UTRN: variants seen among roughly 807,000 people sequenced by gnomAD.
The protein encoded by UTRN is utrophin.
UTRN carries 283 observed loss-of-function variants against 463.9 expected under a neutral mutation model. The ratio of observed to expected loss-of-function variants is 0.61; its 90% CI spans 0.55 to 0.67. UTRN has a LOEUF of 0.67. Ranked by LOEUF, UTRN falls within the 30% of genes least tolerant of loss-of-function variation. The pLI, the probability that UTRN is intolerant of heterozygous loss-of-function variation, is 0.00. For missense variants in UTRN, 3,922 were observed against 4,084.3 expected (o/e 0.96, Z 1.08); for synonymous variants, 1,442 against 1,431.5 (o/e 1.01, Z -0.17).
chr6:144,322,657 G>C (rs918431673), intron 2 of UTRN, among the ~76,000 whole-genome samples: 4 of 152,158 alleles, frequency 2.6e-5, no homozygotes, highest in Non-Finnish European at 4.4e-5. Flanking sequence ...AGTGGATTTC[G>C]GCCGGGCGCG....
intron 41 of UTRN, among the ~76,000 whole-genome samples, chr6:144,526,867 G>A (rs1796616331): frequency 6.6e-6 from 1 of 151,802 alleles, no homozygotes; most frequent in Non-Finnish European, 1.5e-5. Context: ...CATGATCTCG[G>A]CTTACTGCAA....
chr6:144,696,941 C>A (rs1276372784), intron 52 of UTRN, among the ~76,000 whole-genome samples: 1 of 152,178 alleles, frequency 6.6e-6, no homozygotes, highest in East Asian at 1.9e-4. Flanking sequence ...TGATTTAAAA[C>A]AGATACTGGT....
chr6:144,764,383 G>A (rs987941547), intron 58 of UTRN, among the ~76,000 whole-genome samples: 4 of 152,190 alleles, frequency 2.6e-5, no homozygotes, highest in African/African-American at 9.7e-5. Flanking sequence ...ACATTAGGTA[G>A]TTAAGGACTT....
At chr6:144,328,534 A>G (rs969375762) in intron 2 of UTRN, among the ~76,000 whole-genome samples, 1 of 151,848 alleles carries the variant, frequency 6.6e-6, no homozygotes, top group East Asian at 1.9e-4. Context: ...GGAAATAAAT[A>G]TCTTTATTTG....
intron 2 of UTRN, among the ~76,000 whole-genome samples, chr6:144,335,182 T>G (rs952386218): frequency 6.6e-6 from 1 of 152,196 alleles, no homozygotes; most frequent in African/African-American, 2.4e-5. Context: ...GAGAAAAATT[T>G]CATGGAAAGT....
At chr6:144,316,319 G>C (rs1352768267) in intron 2 of UTRN, among the ~76,000 whole-genome samples, 2 of 152,244 alleles carry the variant, frequency 1.3e-5, no homozygotes, top group African/African-American at 4.8e-5. Flanking sequence ...GTGATAGTGG[G>C]CACAATGTTG....
intron 2 of UTRN, among the ~76,000 whole-genome samples, chr6:144,340,037 C>T (rs937334761): frequency 1.4e-4 from 21 of 152,146 alleles, no homozygotes; most frequent in African/African-American, 4.3e-4. Context: ...CATGGTGGTG[C>T]CCACCCATAA....
chr6:144,775,065 G>A (rs907522759), intron 60 of UTRN, among the ~76,000 whole-genome samples: 1 of 152,176 alleles, frequency 6.6e-6, no homozygotes, highest in Non-Finnish European at 1.5e-5. Flanking sequence ...TGTGGAAAGT[G>A]ATATTTACCT....
At chr6:144,343,363 A>AACACACACACACACACAC (rs3061626) in intron 2 of UTRN, among the ~76,000 whole-genome samples, 52 of 135,420 alleles carry the variant, frequency 3.8e-4, no homozygotes, top group African/African-American at 1.3e-3. Context: ...GTCTCTACTA[A>AACACACACACACACACAC]ACACACACAC....
In UTRN at chr6:144,355,024, C is replaced by T. The variant is rs146629873; in HGVS notation, c.80-48099C>T. 9.0e-3 allele frequency among the ~76,000 whole-genome samples: 1,364 copies of T among 152,082 alleles called. 11 individuals carry two copies. The highest frequency in any genetic ancestry group is 0.014 in the Non-Finnish European group (958 of 68,002). ...TTTAAACCTTCCCTAGCTCCTGGCA[C>T]GTTTTTTAGTTGCTCAGATTTTTTG... On this transcript the variant is annotated intron_variant, in intron 2 of 74. Transcript: ENST00000367545.
chr6:144,540,008 A>AC (rs1487956788), intron 45 of UTRN, among the ~76,000 whole-genome samples: 1 of 147,910 alleles, frequency 6.8e-6, no homozygotes, highest in Non-Finnish European at 1.5e-5. Context: ...ACACCACTGG[A>AC]CCCCAGCCTG....
Position 144,352,291 on chromosome 6 carries a change from C to T in UTRN, c.80-50832C>T, listed in dbSNP as rs1036936248. Among the ~76,000 whole-genome samples the T allele has an allele frequency of 3.9e-5, 6 of 151,966 alleles. 1 individual carries two copies. In the East Asian group the frequency reaches 7.7e-4, roughly 19 times the overall value. On this transcript the variant is annotated intron_variant, in intron 2 of 74. Coordinates refer to ENST00000367545, the MANE Select transcript of UTRN (RefSeq NM_007124.3). ...AAGTAGAATCTTTTTTGTGTGTGTACGAATGTGGTTTAAGGGACTTTTGGG... is the reference window on the plus strand; with the variant it reads ...AAGTAGAATCTTTTTTGTGTGTGTATGAATGTGGTTTAAGGGACTTTTGGG...
At chr6:144,744,320 ATG>A (rs757430794) in intron 54 of UTRN, among the ~76,000 whole-genome samples, 4,947 of 95,350 alleles carry the variant, frequency 0.052, 174 homozygotes, top group Non-Finnish European at 0.068. Context: ...ATATATATAT[ATG>A]TGTGTGTGTG....
Position 144,461,087 on chromosome 6 carries a change from A to T in UTRN, c.2708-110A>T, listed in dbSNP as rs1361258249. 5 of 872,096 alleles carry T rather than the reference A, an allele frequency of 5.7e-6. No individual in the cohort carries two copies. In the African/African-American group the frequency reaches 8.7e-5, roughly 15 times the overall value. The allele number at this position is 872,096 out of a possible 1,614,324, so 54.0% of individuals were successfully genotyped here. On this transcript the variant is annotated intron_variant, in intron 21 of 74. Coordinates refer to ENST00000367545, the MANE Select transcript of UTRN (RefSeq NM_007124.3). ...TTAACAGAGACCCTTTTACATTTTA[A>T]TCATGGGGTCTCCTTTGCCATGTAT...
At position 144,635,512 on chromosome 6, in the gene UTRN, TTCTTTTTTTTTTTTTTTCTTTTC is replaced by T. The variant is rs1170245561; in HGVS notation, c.7480-42892_7480-42870del. On this transcript the variant is annotated intron_variant, in intron 51 of 74. Coordinates refer to ENST00000367545, the MANE Select transcript of UTRN (RefSeq NM_007124.3). Reference sequence around the variant, plus strand: ...ATTACTTAGCAGCTAGCCTTTTTTTTTCTTTTTTTTTTTTTTTCTTTTCTTTTTTTTTTTTTTTTTTTTTTGAG... The same window carrying T: ...ATTACTTAGCAGCTAGCCTTTTTTTTTTTTTTTTTTTTTTTTTTTTTTGAG... Among the ~76,000 whole-genome samples the T allele has an allele frequency of 2.3e-3, 176 of 77,692 alleles. 1 individual carries two copies. The highest frequency in any genetic ancestry group is 8.0e-3 in the African/African-American group (167 of 20,924). The allele number at this position is 77,692 out of a possible 152,430, so 51.0% of individuals were successfully genotyped here.
intron 2 of UTRN, among the ~76,000 whole-genome samples, chr6:144,350,139 G>A (rs1468884444): frequency 1.3e-5 from 2 of 152,024 alleles, no homozygotes; most frequent in Non-Finnish European, 2.9e-5. Flanking sequence ...GTGGCCCTCT[G>A]TGTGGAGTTG....
At chr6:144,768,081 A>G (rs748332588) in intron 58 of UTRN, among the ~76,000 whole-genome samples, 3 of 152,218 alleles carry the variant, frequency 2.0e-5, no homozygotes, top group Non-Finnish European at 4.4e-5. Flanking sequence ...ATTTGCCCAG[A>G]AATCAAGATT....
At chr6:144,517,293 G>A (rs1795704701) in intron 39 of UTRN, among the ~76,000 whole-genome samples, 1 of 151,926 alleles carries the variant, frequency 6.6e-6, no homozygotes, top group African/African-American at 2.4e-5. Context: ...AACTCAGTTT[G>A]TGAAAGTGAT....
intron 69 of UTRN, among the ~76,000 whole-genome samples, chr6:144,834,496 T>G (rs1004309448): frequency 6.6e-6 from 1 of 152,184 alleles, no homozygotes; most frequent in Non-Finnish European, 1.5e-5. Context: ...GGATAAACCT[T>G]TTCTAGGAAT....
Sources: allele counts gnomAD v4.1 joint callset (sites outside exome capture counted in the v4.1 genomes callset), GRCh38; gene constraint gnomAD v4.1.1; transcripts MANE v1.5; gene names NCBI Gene and HGNC (gene_info 2026-07-23, HGNC 2026-07-21).